Variants in SPATA16 observed in about 807,000 individuals in gnomAD.
SPATA16 encodes the protein spermatogenesis associated 16, also known as spermatogenesis-associated protein 16.
SPATA16 carries 36 observed loss-of-function variants against 63.3 expected under a neutral mutation model. The ratio of observed to expected loss-of-function variants is 0.57; its 90% confidence interval spans 0.44 to 0.75. SPATA16 has a LOEUF of 0.75. SPATA16 is among the 30% of genes least tolerant of loss of function. The pLI, the probability that SPATA16 is intolerant of heterozygous loss-of-function variation, is 0.00. For missense variants in SPATA16, 646 were observed against 679.3 expected, an observed-to-expected ratio of 0.95 and a Z score of 0.54; for synonymous variants, 203 against 216.7, an observed-to-expected ratio of 0.94 and a Z score of 0.56.
intron 4 of SPATA16, among the ~76,000 whole-genome samples, chr3:172,991,133 T>C (rs1734567874): frequency 6.6e-6 from 1 of 152,032 alleles, no homozygotes; most frequent in Admixed American, 6.6e-5. Context: ...CTAGGGTAAT[T>C]AGGCCCCTTT....
chr3:173,128,917 A>G (rs1386831628), intron 1 of SPATA16, among the ~76,000 whole-genome samples: 1 of 152,216 alleles, frequency 6.6e-6, no homozygotes, highest in East Asian at 1.9e-4. Flanking sequence ...CACATGCTTT[A>G]TTTTGCTTAG....
chr3:172,968,201 G>A (rs529042931), intron 5 of SPATA16, among the ~76,000 whole-genome samples: 28 of 152,300 alleles, frequency 1.8e-4, no homozygotes, highest in East Asian at 1.2e-3. Context: ...AGTGAAGCAC[G>A]CTGCCCCTTG....
chr3:173,067,932 T>C (rs1036642471), intron 2 of SPATA16, among the ~76,000 whole-genome samples: 13 of 152,204 alleles, frequency 8.5e-5, no homozygotes, highest in African/African-American at 2.7e-4. Flanking sequence ...ATGGAATCCT[T>C]ACAGGCCAAG....
Position 173,019,553 on chromosome 3 carries a change from A to G in SPATA16, c.781T>C (p.Tyr261His), listed in dbSNP as rs752794847. The G allele has an allele frequency of 6.2e-7, 1 of 1,614,090 alleles. No homozygotes were observed. Among genetic ancestry groups the G allele is most frequent in the South Asian group, 1.1e-5 (1 of 91,084 alleles). The change falls in exon 4 of 11, where the codon TAT becomes CAT. Residue 261 changes from tyrosine to histidine, a missense_variant. Transcript: ENST00000351008. ...GCTTGACGAAGATGATTCCGGAAAT[A>G]GGCTGGGTTTAAAACAATGCTCCTG... ...AHRSIVLNPA[Y>H]FRNHLRQATV...
In SPATA16 at chr3:173,026,046, T is replaced by C. The variant is rs74583465; in HGVS notation, c.759-6471A>G. ...ATCCTGCATTCTCTCCAGCAATGCA[T>C]GAAAGTTCCAGTTGCTTTGCATCGT... On this transcript the variant is annotated intron_variant, in intron 3 of 10. Transcript: ENST00000351008. Among the ~76,000 whole-genome samples, 376 of 152,152 alleles carry C rather than the reference T, an allele frequency of 2.5e-3. 1 individual carries two copies. The highest frequency in any genetic ancestry group is 4.1e-3 in the Non-Finnish European group (277 of 67,914).
At chr3:173,128,287 A>G (rs1217910430) in intron 1 of SPATA16, among the ~76,000 whole-genome samples, 1 of 152,218 alleles carries the variant, frequency 6.6e-6, no homozygotes, top group African/African-American at 2.4e-5. Context: ...ATAAGGGTGG[A>G]TCATATGGTG....
intron 4 of SPATA16, among the ~76,000 whole-genome samples, chr3:173,006,753 C>A (rs538288793): frequency 1.1e-4 from 17 of 152,174 alleles, no homozygotes; most frequent in Admixed American, 1.0e-3. Flanking sequence ...GATTTCTGAA[C>A]ACCTCAATTT....
In SPATA16 at chr3:172,923,719, A is replaced by G. The variant is rs533542326; in HGVS notation, c.1338+489T>C. ...TTCCTGGATCATAGAAAGAGATTAG[A>G]TAATTTACCTTATGGCTATATAAAG... On this transcript the variant is annotated intron_variant, in intron 8 of 10. Transcript: ENST00000351008. Among the ~76,000 whole-genome samples, 17 of 152,348 alleles carry G rather than the reference A, an allele frequency of 1.1e-4. 1 individual carries two copies. The South Asian group carries it at 2.7e-3, about 24-fold the overall frequency.
At chr3:172,892,711 A>G in intron 10 of SPATA16, among the ~76,000 whole-genome samples, 1 of 152,222 alleles carries the variant, frequency 6.6e-6, no homozygotes, top group Non-Finnish European at 1.5e-5. Flanking sequence ...AAATTTCTGT[A>G]AAGCCCTTAG....
intron 4 of SPATA16, among the ~76,000 whole-genome samples, chr3:173,018,946 C>G (rs780700299): frequency 7.9e-5 from 12 of 152,110 alleles, no homozygotes; most frequent in Non-Finnish European, 1.5e-4. Flanking sequence ...ACAACTCTTG[C>G]AATTCTTTGC....
chr3:172,975,933 A>G (rs1010585432), intron 5 of SPATA16, among the ~76,000 whole-genome samples: 1 of 152,052 alleles, frequency 6.6e-6, no homozygotes, highest in Non-Finnish European at 1.5e-5. Context: ...GGGAAAAAAA[A>G]CAGGAAAAAA....
At chr3:172,969,404 A>G (rs371231496) in intron 5 of SPATA16, among the ~76,000 whole-genome samples, 107 of 152,294 alleles carry the variant, frequency 7.0e-4, no homozygotes, top group African/African-American at 2.5e-3. Flanking sequence ...GATAAACTCT[A>G]TGGTGGGCTA....
intron 5 of SPATA16, among the ~76,000 whole-genome samples, chr3:172,974,251 G>A (rs895905351): frequency 2.0e-5 from 3 of 151,998 alleles, no homozygotes; most frequent in Non-Finnish European, 4.4e-5. Flanking sequence ...AACTAAAATG[G>A]TATGGATTTT....
chr3:173,060,150 G>A (rs910877852), intron 2 of SPATA16, among the ~76,000 whole-genome samples: 2 of 151,938 alleles, frequency 1.3e-5, no homozygotes, highest in Non-Finnish European at 2.9e-5. Context: ...TCAGCTACTC[G>A]GGAGGCTGAG....
chr3:173,069,780 A>G (rs1204870567), intron 2 of SPATA16, among the ~76,000 whole-genome samples: 2 of 152,252 alleles, frequency 1.3e-5, no homozygotes, highest in Admixed American at 6.5e-5. Context: ...TAAAAAGATC[A>G]TTCATTATGA....
chr3:172,998,725 T>A (rs979525842), intron 4 of SPATA16, among the ~76,000 whole-genome samples: 1 of 152,180 alleles, frequency 6.6e-6, no homozygotes, highest in Non-Finnish European at 1.5e-5. Context: ...TCCTTCTTAT[T>A]CCTAGTTTGC....
chr3:172,902,868 A>C lies in SPATA16; in HGVS notation c.1587+10793T>G, dbSNP rs571493006. On this transcript the variant is annotated intron_variant, in intron 10 of 10. Coordinates refer to ENST00000351008, the MANE Select transcript of SPATA16 (RefSeq NM_031955.6). ...CCCCTTCTCCACAGGTATCATTTTA[A>C]GAAAATCATAATCAGAAGGATAAAT... Among the ~76,000 whole-genome samples the C allele has an allele frequency of 1.0e-3, 158 of 152,330 alleles. 2 individuals are homozygous for C. The highest frequency in any genetic ancestry group is 3.7e-3 in the African/African-American group (154 of 41,566).
At chr3:173,025,726 C>T (rs764572372) in intron 3 of SPATA16, among the ~76,000 whole-genome samples, 15 of 151,864 alleles carry the variant, frequency 9.9e-5, no homozygotes, top group Non-Finnish European at 1.6e-4. Flanking sequence ...CCTATGCGTA[C>T]GGCTTCTTTC....
intron 6 of SPATA16, among the ~76,000 whole-genome samples, chr3:172,930,978 G>A (rs561225628): frequency 2.0e-5 from 3 of 151,836 alleles, no homozygotes; most frequent in East Asian, 1.9e-4. Context: ...GCCTGCCACC[G>A]TGCTCAGCTA....
Sources: gnomAD v4.1 joint callset for allele counts (sites outside exome capture counted in the v4.1 genomes callset) on GRCh38, gnomAD v4.1.1 for gene constraint, MANE v1.5 for transcripts, NCBI Gene and HGNC (gene_info 2026-07-23, HGNC 2026-07-21) for gene names.